TSPAN2: variants seen among roughly 807,000 people sequenced by gnomAD.
TSPAN2 encodes the protein tetraspanin 2, also known as tetraspanin-2.
TSPAN2 carries 24 observed loss-of-function variants against 33.3 expected under a neutral mutation model. The ratio of observed to expected loss-of-function variants is 0.72; its 90% CI spans 0.52 to 1.01. TSPAN2 has a LOEUF of 1.01. Ranked by LOEUF, TSPAN2 falls within the 50% of genes least tolerant of loss-of-function variation. TSPAN2 has a pLI of 0.00. For missense variants in TSPAN2, 278 were observed against 281.3 expected (o/e 0.99, Z 0.08); for synonymous variants, 114 against 104.5 (o/e 1.09, Z -0.56).
chr1:115,086,308 T>C (rs886278827), intron 1 of TSPAN2, among the ~76,000 whole-genome samples: 3 of 152,200 alleles, frequency 2.0e-5, no homozygotes, highest in African/African-American at 7.2e-5. Flanking sequence ...TACACCCTGT[T>C]TGTGCAGGCA....
chr1:115,062,943 G>T (rs889882539), intron 2 of TSPAN2, among the ~76,000 whole-genome samples: 1 of 152,152 alleles, frequency 6.6e-6, no homozygotes, highest in African/African-American at 2.4e-5. Flanking sequence ...GCCCCACCCG[G>T]ACCTGGCCTC....
chr1:115,075,292 G>T (rs1246006608), intron 1 of TSPAN2, among the ~76,000 whole-genome samples: 3 of 152,200 alleles, frequency 2.0e-5, no homozygotes, highest in Admixed American at 2.0e-4. Flanking sequence ...CCAACCACAC[G>T]GGTTTCCTCC....
chr1:115,055,421 C>T (rs577921920), intron 6 of TSPAN2, among the ~76,000 whole-genome samples: 1 of 152,134 alleles, frequency 6.6e-6, no homozygotes, highest in East Asian at 1.9e-4. Context: ...CACCTACACC[C>T]TTAGGTCATT....
intron 6 of TSPAN2, among the ~76,000 whole-genome samples, chr1:115,055,789 T>G (rs1181155830): frequency 2.0e-5 from 3 of 152,214 alleles, no homozygotes; most frequent in African/African-American, 7.2e-5. Context: ...CCCTAAGTGC[T>G]AGGATTACAG....
chr1:115,079,532 T>C (rs904679920), intron 1 of TSPAN2, among the ~76,000 whole-genome samples: 1 of 152,230 alleles, frequency 6.6e-6, no homozygotes, highest in African/African-American at 2.4e-5. Flanking sequence ...CCAAGATTTT[T>C]ATTCTGTTAT....
rs891850198 is a variant in TSPAN2, at chr1:115,049,658, A to C, written c.*832T>G. Reference sequence around the variant, plus strand: ...GTCCCTTTGAGGATGTGAGGGTTGCAGTAGTTTACAGCAGGGTCAGAAAAT... The same window carrying C: ...GTCCCTTTGAGGATGTGAGGGTTGCCGTAGTTTACAGCAGGGTCAGAAAAT... On this transcript the variant is annotated 3_prime_UTR_variant, in exon 8 of 8. Transcript: ENST00000369516. 3 of 152,610 alleles carry C rather than the reference A, an allele frequency of 2.0e-5. No homozygotes were observed. The highest frequency in any genetic ancestry group is 7.2e-5 in the African/African-American group (3 of 41,450). The allele number at this position is 152,610 out of a possible 1,614,324, so 9.5% of individuals were successfully genotyped here.
At chr1:115,050,672 C>T in intron 7 of TSPAN2, 117 bp from the exon 8 acceptor site, 1 of 783,264 alleles carries the variant, frequency 1.3e-6, no homozygotes, top group Non-Finnish European at 2.2e-6. Flanking sequence ...CAATAATTAC[C>T]AGTCACAAAT....
intron 2 of TSPAN2, among the ~76,000 whole-genome samples, chr1:115,064,846 C>T (rs1315621915): frequency 2.6e-5 from 4 of 152,138 alleles, no homozygotes; most frequent in South Asian, 2.1e-4. Flanking sequence ...GAGGGAGGCT[C>T]GTGAGGAGGC....
In TSPAN2 at chr1:115,062,226, T is replaced by A. The variant is rs1196456697; in HGVS notation, c.179A>T (p.Tyr60Phe). 6.3e-7 allele frequency: 1 copy of A among 1,582,502 alleles called. No homozygotes were observed. Among genetic ancestry groups the A allele is most frequent in the Non-Finnish European group, 8.6e-7 (1 of 1,163,650 alleles). Residue 60 changes from tyrosine (Y) to phenylalanine (F), a missense_variant, in exon 3 of 8, where the codon TAT becomes TTT. Physicochemically the swap from Tyr to Phe is conservative, Grantham distance 22 (BLOSUM62 3). Coordinates refer to ENST00000369516, the MANE Select transcript of TSPAN2 (RefSeq NM_005725.6). ...CAGGGCCCCGGCTCCAACCAGAACA[T>A]ACAGCCCTGTGGGGAAGAGGTCAGA... is the stretch of plus-strand genomic sequence containing the variant. ...KSPEYFYVGLYVLVGAGALMM... is the reference protein window; with the variant it reads ...KSPEYFYVGLFVLVGAGALMM...
chr1:115,082,928 G>A (rs1648684600), intron 1 of TSPAN2, among the ~76,000 whole-genome samples: 1 of 152,200 alleles, frequency 6.6e-6, no homozygotes, highest in Admixed American at 6.5e-5. Flanking sequence ...TGTAAAATGG[G>A]AATAATTACA....
intron 2 of TSPAN2, among the ~76,000 whole-genome samples, chr1:115,071,291 G>A (rs1208385199): frequency 6.6e-6 from 1 of 152,186 alleles, no homozygotes; most frequent in African/African-American, 2.4e-5. Context: ...TGTGTTGGGA[G>A]ATTCTGAAAA....
Position 115,088,936 on chromosome 1 carries a change from T to C in TSPAN2, c.69+428A>G, listed in dbSNP as rs572331910. Among the ~76,000 whole-genome samples, 113 of 152,046 alleles carry C rather than the reference T, an allele frequency of 7.4e-4. 1 individual carries two copies. Among genetic ancestry groups the C allele is most frequent in the African/African-American group, 2.5e-3 (105 of 41,484 alleles). On this transcript the variant is annotated intron_variant, in intron 1 of 7. Transcript: ENST00000369516. ...CAGGCAGCCCCAGGGCAGGGGTTTCTCTCCCATCACCCTGGCCAGGCCCTG... is the reference window on the plus strand; with the variant it reads ...CAGGCAGCCCCAGGGCAGGGGTTTCCCTCCCATCACCCTGGCCAGGCCCTG...
chr1:115,056,771 G>A (rs964814274), intron 6 of TSPAN2, among the ~76,000 whole-genome samples: 4 of 152,152 alleles, frequency 2.6e-5, no homozygotes, highest in African/African-American at 9.7e-5. Flanking sequence ...CTCCTTGTGA[G>A]TAGGAACTTT....
chr1:115,059,719 G>A (rs1227071112), intron 4 of TSPAN2, among the ~76,000 whole-genome samples: 1 of 152,144 alleles, frequency 6.6e-6, no homozygotes, highest in Non-Finnish European at 1.5e-5. Flanking sequence ...TTCTACTTCT[G>A]TATGTAGCTG....
At position 115,059,541 on chromosome 1, in the gene TSPAN2, C is replaced by G. The variant is rs558184708; in HGVS notation, c.346-560G>C. ...CCGGACTTATACATTCCTGTTACCC[C>G]ATTGGTTAAAAGCATTCAAATCTTT... On this transcript the variant is annotated intron_variant, in intron 4 of 7. Coordinates refer to ENST00000369516, the MANE Select transcript of TSPAN2 (RefSeq NM_005725.6). Among the ~76,000 whole-genome samples, 9 of 152,332 alleles carry G rather than the reference C, an allele frequency of 5.9e-5. No individual in the cohort carries two copies. In the South Asian group the frequency reaches 8.3e-4, roughly 14 times the overall value.
intron 2 of TSPAN2, 71 bp from the exon 3 acceptor site, chr1:115,062,303 C>T: frequency 2.6e-6 from 3 of 1,158,182 alleles, no homozygotes; most frequent in Non-Finnish European, 3.8e-6. Context: ...AGGCTTAAGA[C>T]TCTGGGCACT....
Position 115,065,221 on chromosome 1 carries a change from A to G in TSPAN2, c.173-2989T>C, listed in dbSNP as rs1375897968. On this transcript the variant is annotated intron_variant, in intron 2 of 7. Coordinates refer to ENST00000369516, the MANE Select transcript of TSPAN2 (RefSeq NM_005725.6). ...AAGGTTCCCTGGGCGTGCCGGATCC[A>G]GTTCCAAATCTGGCTCTAATACTCC... 3.3e-5 allele frequency among the ~76,000 whole-genome samples: 5 copies of G among 152,224 alleles called. 1 individual carries two copies. The East Asian group carries it at 7.7e-4, about 23-fold the overall frequency.
At chr1:115,080,540 G>T (rs567796053) in intron 1 of TSPAN2, among the ~76,000 whole-genome samples, 3 of 152,270 alleles carry the variant, frequency 2.0e-5, no homozygotes, top group African/African-American at 4.8e-5. Flanking sequence ...CTCCCAAAGT[G>T]CTGGGATTAC....
intron 6 of TSPAN2, among the ~76,000 whole-genome samples, chr1:115,057,285 C>T (rs992146207): frequency 3.9e-5 from 6 of 152,190 alleles, no homozygotes; most frequent in African/African-American, 1.2e-4. Flanking sequence ...ATTCTCCTCT[C>T]TTCTCTGGTC....
Sources: allele counts gnomAD v4.1 joint callset (sites outside exome capture counted in the v4.1 genomes callset), GRCh38; gene constraint gnomAD v4.1.1; transcripts MANE v1.5; gene names NCBI Gene and HGNC (gene_info 2026-07-23, HGNC 2026-07-21).